Variants in VPS45 observed in about 807,000 individuals in gnomAD.
The protein encoded by VPS45 is vacuolar protein sorting 45 homolog, also known as vacuolar protein sorting-associated protein 45.
In VPS45, 35 loss-of-function variants were observed where a neutral mutation model predicts 75.9. That is an observed-to-expected ratio of 0.46 (90% CI 0.35 to 0.61). The LOEUF is 0.61. Ranked by LOEUF, VPS45 falls within the 20% of genes least tolerant of loss-of-function variation. The pLI is 0.00. For synonymous variants in VPS45, 220 were observed against 238.2 expected, an observed-to-expected ratio of 0.92 and a Z score of 0.70; for missense variants, 559 against 685.9, an observed-to-expected ratio of 0.81 and a Z score of 2.07.
At chr1:150,096,772 A>ACCT (rs1656677133) in intron 13 of VPS45, among the ~76,000 whole-genome samples, 1 of 152,070 alleles carries the variant, frequency 6.6e-6, no homozygotes, top group Non-Finnish European at 1.5e-5. Flanking sequence ...TACCTATACC[A>ACCT]CCTCCTGGCC....
At chr1:150,095,439 CCT>C (rs1431375301) in intron 13 of VPS45, among the ~76,000 whole-genome samples, 2 of 152,076 alleles carry the variant, frequency 1.3e-5, no homozygotes, top group African/African-American at 4.8e-5. Context: ...ATGGCAAAAC[CCT>C]GTCTCTACTA....
chr1:150,098,249 T>G (rs782611699), intron 13 of VPS45, among the ~76,000 whole-genome samples: 8 of 152,230 alleles, frequency 5.3e-5, no homozygotes, highest in Non-Finnish European at 8.8e-5. Flanking sequence ...TTCCTATTAG[T>G]TATTGTATTA....
At chr1:150,089,034 G>T (rs1319295859) in intron 10 of VPS45, among the ~76,000 whole-genome samples, 1 of 152,108 alleles carries the variant, frequency 6.6e-6, no homozygotes, top group Non-Finnish European at 1.5e-5. Flanking sequence ...CCAGTTGTGT[G>T]TAAGGGTTCT....
intron 1 of VPS45, 139 bp downstream of exon 1, chr1:150,068,089 A>G (rs1654826756): frequency 2.3e-6 from 2 of 874,864 alleles, no homozygotes; most frequent in Admixed American, 5.2e-5. Flanking sequence ...AAAGTTGTTT[A>G]TATAAAGCTT....
Position 150,077,095 on chromosome 1 carries a change from G to T in VPS45, c.440G>T (p.Gly147Val), listed in dbSNP as rs782088393. ...FSLNILGCCQ[G>V]RNWDPAQLSR... Reference sequence around the variant, plus strand: ...TGAATATATGTTTTTAACAAAAAGGGTCGAAATTGGGATCCAGCCCAGCTA... The same window carrying T: ...TGAATATATGTTTTTAACAAAAAGGTTCGAAATTGGGATCCAGCCCAGCTA... The change falls in exon 6 of 15, where the codon GGT becomes GTT. Residue 147 changes from glycine to valine, a missense_variant and splice_region_variant. By Grantham distance (109) the Gly-to-Val change is moderately radical. Transcript: ENST00000644510. 3 of 1,613,736 alleles carry T rather than the reference G, an allele frequency of 1.9e-6. No individual in the cohort carries two copies. Among genetic ancestry groups the T allele is most frequent in the South Asian group, 1.1e-5 (1 of 91,000 alleles).
chr1:150,077,951 C>T (rs1437978596), intron 7 of VPS45, among the ~76,000 whole-genome samples, 172 bp downstream of exon 7: 2 of 152,148 alleles, frequency 1.3e-5, no homozygotes, highest in Non-Finnish European at 1.5e-5. Context: ...CATCCACTGT[C>T]ATCATAACTC....
intron 3 of VPS45, among the ~76,000 whole-genome samples, chr1:150,072,906 G>A (rs1553797355): frequency 6.6e-6 from 1 of 151,966 alleles, no homozygotes; most frequent in Non-Finnish European, 1.5e-5. Flanking sequence ...AAGTGGGAAG[G>A]TAATACTTGA....
chr1:150,093,259 G>T (rs997319307), intron 12 of VPS45, among the ~76,000 whole-genome samples: 1 of 152,148 alleles, frequency 6.6e-6, no homozygotes, highest in African/African-American at 2.4e-5. Context: ...TCACAAAAGG[G>T]TGAGAGACAG....
intron 14 of VPS45, among the ~76,000 whole-genome samples, chr1:150,115,519 T>C (rs1313266688): frequency 1.3e-5 from 2 of 152,218 alleles, no homozygotes; most frequent in African/African-American, 4.8e-5. Flanking sequence ...CTGCTAACAT[T>C]AACTCATGAT....
At chr1:150,140,082 CAG>C (rs781930097) in intron 14 of VPS45, among the ~76,000 whole-genome samples, 22 of 152,018 alleles carry the variant, frequency 1.4e-4, no homozygotes, top group Non-Finnish European at 2.4e-4. Flanking sequence ...TTAGTAGAGA[CAG>C]GGTTTCACCA....
intron 13 of VPS45, among the ~76,000 whole-genome samples, chr1:150,102,413 T>G (rs7555080): frequency 0.26 from 39,884 of 151,364 alleles, 7,939 homozygotes; most frequent in African/African-American, 0.56. Flanking sequence ...GCGGAGCATG[T>G]TGGTGCATGC....
In VPS45 at chr1:150,144,858, A is replaced by T. The variant is rs781789747; in HGVS notation, c.*62A>T. 5.6e-6 allele frequency: 9 copies of T among 1,609,944 alleles called. No individual in the cohort carries two copies. Among genetic ancestry groups the T allele is most frequent in the Non-Finnish European group, 7.6e-6 (9 of 1,178,574 alleles). On this transcript the variant is annotated 3_prime_UTR_variant, in exon 15 of 15. Transcript: ENST00000644510. ...GTCCCCACTACAGGTTTTCCCTACT[A>T]AACAAAGGTGTTGGAGAGCAGCTTT...
chr1:150,142,500 C>G (rs879997280), intron 14 of VPS45, among the ~76,000 whole-genome samples: 4 of 152,162 alleles, frequency 2.6e-5, no homozygotes, highest in Non-Finnish European at 5.9e-5. Flanking sequence ...TTTTCTTTTG[C>G]AAAGGAGTTT....
At chr1:150,131,611 A>C (rs1658840044) in intron 14 of VPS45, among the ~76,000 whole-genome samples, 1 of 151,774 alleles carries the variant, frequency 6.6e-6, no homozygotes, top group African/African-American at 2.4e-5. Flanking sequence ...GAGACAGGAG[A>C]ATCACTTGAG....
At chr1:150,106,375 CAATAAGT>C (rs1403896873) in intron 13 of VPS45, among the ~76,000 whole-genome samples, 2 of 151,910 alleles carry the variant, frequency 1.3e-5, no homozygotes, top group African/African-American at 2.4e-5. Context: ...ACAAGGAACG[CAATAAGT>C]AAAAACAACC....
rs374174750 is a variant in VPS45, at chr1:150,068,685, A to G, written c.149A>G (p.Tyr50Cys). 1 of 1,613,098 alleles carries G rather than the reference A, an allele frequency of 6.2e-7. No homozygotes were observed. Among genetic ancestry groups the G allele is most frequent in the African/African-American group, 1.3e-5 (1 of 74,984 alleles). ...TQSEILQKEVYLFERIDSQNR... is the reference protein window; with the variant it reads ...TQSEILQKEVCLFERIDSQNR... ...TCGGAGATTCTACAGAAGGAAGTGT[A>G]CCTCTTTGAACGCATTGATTCTCAA... is the stretch of plus-strand genomic sequence containing the variant. Residue 50 changes from tyrosine to cysteine, a missense_variant, in exon 2 of 15, where the codon TAC (tyrosine) becomes TGC (cysteine). Tyr to Cys is a radical substitution (Grantham distance 194). Coordinates refer to ENST00000644510, the MANE Select transcript of VPS45 (RefSeq NM_007259.5).
Position 150,077,729 on chromosome 1 carries a change from C to T in VPS45, c.637C>T (p.Leu213Phe). ...CCGTCGGACAGAGGTTCCTCCATTGCTCCTTATTTTAGATCGCTGTGATGA... is the reference window on the plus strand; with the variant it reads ...CCGTCGGACAGAGGTTCCTCCATTGTTCCTTATTTTAGATCGCTGTGATGA... ...EFRRTEVPPL[L>F]LILDRCDDAI... is the part of the protein sequence containing the mutation. The change falls in exon 7 of 15, where the codon CTC (leucine) becomes TTC (phenylalanine). Residue 213 changes from leucine (L) to phenylalanine (F), a missense_variant. Coordinates refer to ENST00000644510, the MANE Select transcript of VPS45 (RefSeq NM_007259.5). 1 of 1,614,084 alleles carries T rather than the reference C, an allele frequency of 6.2e-7. No homozygotes were observed. Among genetic ancestry groups the T allele is most frequent in the Non-Finnish European group, 8.5e-7 (1 of 1,179,974 alleles).
At chr1:150,082,552 GTTC>G (rs1455105262) in intron 9 of VPS45, among the ~76,000 whole-genome samples, 161 bp from the exon 10 acceptor site, 1 of 149,790 alleles carries the variant, frequency 6.7e-6, no homozygotes, top group Non-Finnish European at 1.5e-5. Context: ...ACATATACCA[GTTC>G]TTCTCTTCTT....
chr1:150,143,147 G>A (rs1433345662), intron 14 of VPS45, among the ~76,000 whole-genome samples: 3 of 152,184 alleles, frequency 2.0e-5, no homozygotes, highest in Admixed American at 6.5e-5. Flanking sequence ...ATAGGAGTGG[G>A]ATAAAGTAAT....
Sources: gnomAD v4.1 joint callset for allele counts (sites outside exome capture counted in the v4.1 genomes callset) on GRCh38, gnomAD v4.1.1 for gene constraint, MANE v1.5 for transcripts, NCBI Gene and HGNC (gene_info 2026-07-23, HGNC 2026-07-21) for gene names.